The following PAFAH1B2 variants were observed in gnomAD, a reference collection of about 807,000 sequenced individuals.
The protein encoded by PAFAH1B2 is platelet activating factor acetylhydrolase 1b catalytic subunit 2, also known as platelet-activating factor acetylhydrolase IB subunit alpha2.
PAFAH1B2 carries 8 observed loss-of-function variants against 28.0 expected under a neutral mutation model. That is an observed-to-expected ratio of 0.29 (90% CI 0.17 to 0.52). The LOEUF is 0.52. Among genes scored for constraint, PAFAH1B2 ranks in the 20% least tolerant of loss-of-function variants. The probability of loss-of-function intolerance (pLI) is 0.97; values close to 1 mark genes in which losing one functional copy is unlikely to be tolerated. For missense variants in PAFAH1B2, 190 were observed against 282.6 expected, an observed-to-expected ratio of 0.67 and a Z score of 2.35; for synonymous variants, 104 against 103.2, an observed-to-expected ratio of 1.01 and a Z score of -0.05.
At chr11:117,153,985 C>T (rs780366931) in intron 2 of PAFAH1B2, among the ~76,000 whole-genome samples, 3 of 149,538 alleles carry the variant, frequency 2.0e-5, no homozygotes, top group South Asian at 4.2e-4. Flanking sequence ...AATCCCAGCA[C>T]GTTAGGAGGC....
downstream of PAFAH1B2, among the ~76,000 whole-genome samples, chr11:117,173,041 T>G (rs904587240): frequency 6.6e-6 from 1 of 152,236 alleles, no homozygotes; most frequent in African/African-American, 2.4e-5. Flanking sequence ...GACCCAAGCT[T>G]TCTTGAAATA....
rs12281315 is a variant in PAFAH1B2, at chr11:117,146,392, T to G, written c.-8+1974T>G. ...ACAGGCGCAGGAAACCCAAAGTCAC[T>G]CAGAAGTTTGCGTCTTACCACTGGG... On this transcript the variant is annotated intron_variant, in intron 1 of 5. Transcript: ENST00000527958. Among the ~76,000 whole-genome samples, 569 of 151,950 alleles carry G rather than the reference T, an allele frequency of 3.7e-3. 3 individuals carry two copies. The highest frequency in any genetic ancestry group is 0.013 in the African/African-American group (548 of 41,448).
exon 6 of PAFAH1B2, chr11:117,176,399 T>C (rs1178768990): frequency 4.4e-6 from 1 of 229,204 alleles, no homozygotes; most frequent in Admixed American, 5.6e-5. Context: ...TGAGTAAATA[T>C]AACTAACTGA....
intron 2 of PAFAH1B2, among the ~76,000 whole-genome samples, chr11:117,156,360 G>T (rs1956255034): frequency 6.6e-6 from 1 of 152,152 alleles, no homozygotes. Context: ...GGAGTTGCCA[G>T]CAGATGTTAA....
At chr11:117,152,563 T>C (rs1956175949) in intron 2 of PAFAH1B2, 35 bp downstream of exon 2, 2 of 1,408,374 alleles carry the variant, frequency 1.4e-6, no homozygotes, top group Non-Finnish European at 2.0e-6. Context: ...TTCACATGAG[T>C]TGAGTCTCCA....
At chr11:117,174,555 C>A (rs540507820), downstream of PAFAH1B2, among the ~76,000 whole-genome samples, 1 of 144,398 alleles carries the variant, frequency 6.9e-6, no homozygotes, top group Non-Finnish European at 1.5e-5. Context: ...CTCAGCTCAC[C>A]GCAACCTCTG....
At chr11:117,161,092 A>C in intron 3 of PAFAH1B2, 53 bp from the exon 4 acceptor site, 1 of 1,142,876 alleles carries the variant, frequency 8.7e-7, no homozygotes, top group Non-Finnish European at 1.3e-6. Flanking sequence ...CAGTCGAAAG[A>C]TTAAACTTTC....
chr11:117,151,783 C>T (rs549542213), intron 1 of PAFAH1B2, among the ~76,000 whole-genome samples: 1 of 152,142 alleles, frequency 6.6e-6, no homozygotes, highest in South Asian at 2.1e-4. Context: ...TCACTGCAAG[C>T]TCCACCTGCA....
In PAFAH1B2 at chr11:117,170,825, T is replaced by C; in HGVS notation, c.*3126T>C. On this transcript the variant is annotated 3_prime_UTR_variant, in exon 6 of 6. Transcript: ENST00000527958. The stretch of plus-strand genomic sequence containing the variant: ...GCATGTCCAAGCTCCTAAATCCGTG[T>C]GGGTGCATGTGGGAGAAGTGAGTTA... 9.4e-7 allele frequency: 1 copy of C among 1,059,636 alleles called. No homozygotes were observed. Among genetic ancestry groups the C allele is most frequent in the South Asian group, 4.6e-5 (1 of 21,930 alleles). The allele number at this position is 1,059,636 out of a possible 1,614,324, so 65.6% of individuals were successfully genotyped here.
downstream of PAFAH1B2, among the ~76,000 whole-genome samples, chr11:117,177,271 C>A (rs1401625348): frequency 3.3e-5 from 5 of 152,050 alleles, no homozygotes; most frequent in South Asian, 6.2e-4. Flanking sequence ...ATTTGTAAAT[C>A]TTTTTAAATA....
At chr11:117,144,733 C>T (rs2134155468) in intron 1 of PAFAH1B2, among the ~76,000 whole-genome samples, 1 of 151,972 alleles carries the variant, frequency 6.6e-6, no homozygotes, top group African/African-American at 2.4e-5. Context: ...GGTAGCGCGG[C>T]GGGCGCCCCG....
In PAFAH1B2 at chr11:117,148,349, C is replaced by T. The variant is rs762062243; in HGVS notation, c.-8+3931C>T. 9.9e-5 allele frequency among the ~76,000 whole-genome samples: 15 copies of T among 152,152 alleles called. No homozygotes were observed. The South Asian group carries it at 1.2e-3, about 13-fold the overall frequency. On this transcript the variant is annotated intron_variant, in intron 1 of 5. Transcript: ENST00000527958. ...GATTACAGGTGTGAGCCACCATGCC[C>T]GGCCTCTATGTAGTCTTTTCTAATC...
At chr11:117,166,022 G>A (rs961980155) in intron 5 of PAFAH1B2, among the ~76,000 whole-genome samples, 2 of 152,036 alleles carry the variant, frequency 1.3e-5, no homozygotes, top group East Asian at 1.9e-4. Flanking sequence ...TTTGTTTTTA[G>A]TAGAAACGGG....
At chr11:117,173,235 A>G (rs1262352070), downstream of PAFAH1B2, among the ~76,000 whole-genome samples, 1 of 152,180 alleles carries the variant, frequency 6.6e-6, no homozygotes, top group Admixed American at 6.5e-5. Flanking sequence ...GATATTTCCC[A>G]GTGTGAATGG....
rs1012412304 is a variant in PAFAH1B2 at position 117,160,123 on chromosome 11, C to T, written c.171+100C>T. On this transcript the variant is annotated intron_variant, in intron 3 of 5. Transcript: ENST00000527958. Reference sequence around the variant, plus strand: ...GAGCTGAACTTACTTATTTGTGACTCTTAGAGAAGCCCTAATTGAGGTTAT... The same window carrying T: ...GAGCTGAACTTACTTATTTGTGACTTTTAGAGAAGCCCTAATTGAGGTTAT... The T allele has an allele frequency of 1.4e-5, 12 of 843,230 alleles. No individual in the cohort carries two copies. In the African/African-American group the frequency reaches 1.5e-4, roughly 11 times the overall value. 52.2% of individuals were successfully genotyped at this position (843,230 alleles called of 1,614,324 possible).
chr11:117,171,760 C>T (rs1438186082), downstream of PAFAH1B2: 4 of 1,531,978 alleles, frequency 2.6e-6, no homozygotes, highest in Non-Finnish European at 3.5e-6. Context: ...AGTTGGTATG[C>T]CGGTATGATG....
chr11:117,174,954 A>G (rs1956748320), downstream of PAFAH1B2: 5 of 1,512,838 alleles, frequency 3.3e-6, no homozygotes, highest in Admixed American at 8.4e-5. Context: ...AGCCACCTGA[A>G]GCTTCCTCCC....
At chr11:117,150,409 C>G (rs1287738997) in intron 1 of PAFAH1B2, among the ~76,000 whole-genome samples, 1 of 151,306 alleles carries the variant, frequency 6.6e-6, no homozygotes, top group African/African-American at 2.4e-5. Flanking sequence ...TTTGGCTTCC[C>G]AAAGTGCTAG....
At chr11:117,155,653 G>T (rs1364584347) in intron 2 of PAFAH1B2, among the ~76,000 whole-genome samples, 3 of 151,934 alleles carry the variant, frequency 2.0e-5, no homozygotes, top group African/African-American at 7.3e-5. Flanking sequence ...TAAAAATACT[G>T]ATTTATTTTG....
Sources: gnomAD v4.1 joint callset for allele counts (sites outside exome capture counted in the v4.1 genomes callset) on GRCh38, gnomAD v4.1.1 for gene constraint, MANE v1.5 for transcripts, NCBI Gene and HGNC (gene_info 2026-07-23, HGNC 2026-07-21) for gene names.